Variants in HTR3A observed in about 807,000 individuals in gnomAD.
The protein encoded by HTR3A is 5-hydroxytryptamine (serotonin) receptor 3A, ionotropic.
Under a neutral mutation model 54.8 loss-of-function variants are expected in HTR3A, and 45 were observed. The ratio of observed to expected loss-of-function variants is 0.82; its 90% CI spans 0.65 to 1.05. The LOEUF is 1.05. Among genes scored for constraint, HTR3A ranks in the 50% least tolerant of loss-of-function variants. HTR3A has a pLI of 0.00. For synonymous variants in HTR3A, 297 were observed against 256.0 expected (o/e 1.16, Z -1.53); for missense variants, 657 against 614.0 (o/e 1.07, Z -0.74).
At chr11:113,988,028 G>C (rs796397498) in intron 8 of HTR3A, among the ~76,000 whole-genome samples, 1 of 152,194 alleles carries the variant, frequency 6.6e-6, no homozygotes, top group Non-Finnish European at 1.5e-5. Flanking sequence ...GAATTTGCTT[G>C]TCCTAAATCA....
chr11:113,983,297 T>C lies in HTR3A; in HGVS notation c.544+8T>C, dbSNP rs371387248. ...CCAGTTGGCTGCACACCAGTGAGTA[T>C]GTGGGCTTCGCCGGGACAGGGGTGG... On this transcript the variant is annotated splice_region_variant and intron_variant, in intron 5 of 8. Coordinates refer to ENST00000504030, the MANE Select transcript of HTR3A (RefSeq NM_000869.6). 36 of 1,613,610 alleles carry C rather than the reference T, an allele frequency of 2.2e-5. No individual in the cohort carries two copies. In the Middle Eastern group the frequency reaches 8.7e-4, roughly 39 times the overall value.
intron 8 of HTR3A, among the ~76,000 whole-genome samples, chr11:113,988,561 C>T (rs1047751268): frequency 5.3e-5 from 8 of 152,040 alleles, no homozygotes; most frequent in South Asian, 2.1e-4. Flanking sequence ...GTCAGGAGTT[C>T]GAGACCAGCC....
chr11:113,979,371 G>A, intron 3 of HTR3A, 94 bp downstream of exon 3: 1 of 968,072 alleles, frequency 1.0e-6, no homozygotes, highest in Non-Finnish European at 1.7e-6. Context: ...GAGGGAAGGT[G>A]AGCGGAGAGG....
Position 113,986,896 on chromosome 11 carries a change from G to A in HTR3A, c.988G>A (p.Val330Met), listed in dbSNP as rs1950499773. ...CGAGACCATCTTCATTGTGCGGCTG[G>A]TGCACAAGCAAGACCTGCAGCAGCC... ...LAETIFIVRL[V>M]HKQDLQQPVP... Residue 330 changes from valine to methionine, a missense_variant, in exon 8 of 9, where the codon GTG becomes ATG. Transcript: ENST00000504030. 6.2e-7 allele frequency: 1 copy of A among 1,614,026 alleles called. No homozygotes were observed. Among genetic ancestry groups the A allele is most frequent in the African/African-American group, 1.3e-5 (1 of 74,916 alleles).
At chr11:113,978,268 C>T (rs1369393444) in intron 2 of HTR3A, among the ~76,000 whole-genome samples, 3 of 152,186 alleles carry the variant, frequency 2.0e-5, no homozygotes, top group African/African-American at 7.2e-5. Flanking sequence ...TACACACATC[C>T]CTGGTACCTG....
chr11:113,986,135 G>T lies in HTR3A; in HGVS notation c.665G>T (p.Ser222Ile), dbSNP rs1362881149. 1 of 1,614,184 alleles carries T rather than the reference G, an allele frequency of 6.2e-7. No individual in the cohort carries two copies. The highest frequency in any genetic ancestry group is 8.5e-7 in the Non-Finnish European group (1 of 1,180,046). Residue 222 changes from serine to isoleucine, a missense_variant, in exon 6 of 9, where the codon AGC becomes ATC. By Grantham distance (142) the Ser-to-Ile change is moderately radical. Coordinates refer to ENST00000504030, the MANE Select transcript of HTR3A (RefSeq NM_000869.6). ...GTGCTGCCCTACTTTCGGGAGTTCA[G>T]CATGGAAAGCAGTAACTACTATGCA... Reference protein sequence around the residue: ...LGVLPYFREFSMESSNYYAEM... With the variant: ...LGVLPYFREFIMESSNYYAEM...
At position 113,989,416 on chromosome 11, in the gene HTR3A, T is replaced by A; in HGVS notation, c.1139-49T>A. On this transcript the variant is annotated intron_variant, in intron 8 of 8. Coordinates refer to ENST00000504030, the MANE Select transcript of HTR3A (RefSeq NM_000869.6). The surrounding 1 kb of genome is among the most constrained non-coding windows in gnomAD (Gnocchi z 4.4). ...AGAAGCATAAGGAACCATGTTCAGGTCACCACCCGGGGTCTCCCTCTCTTG... is the reference window on the plus strand; with the variant it reads ...AGAAGCATAAGGAACCATGTTCAGGACACCACCCGGGGTCTCCCTCTCTTG... 6.2e-7 allele frequency: 1 copy of A among 1,606,914 alleles called. No homozygotes were observed. The highest frequency in any genetic ancestry group is 8.5e-7 in the Non-Finnish European group (1 of 1,174,696).
rs1320934877 is a variant in HTR3A, at chr11:113,981,304, C to T, written c.366C>T (p.Ile122=). Reference sequence around the variant, plus strand: ...GCATCTGGGTCCCGGACATTCTCATCAATGAGTTGTGAGTACCGTTATCCA... The same window carrying T: ...GCATCTGGGTCCCGGACATTCTCATTAATGAGTTGTGAGTACCGTTATCCA... ...TDSIWVPDIL[I]NEFVDVGKSP... Residue 122 remains isoleucine (I), a synonymous_variant, in exon 4 of 9, where the codon ATC becomes ATT. Transcript: ENST00000504030. 6.2e-7 allele frequency: 1 copy of T among 1,605,198 alleles called. No individual in the cohort carries two copies. The highest frequency in any genetic ancestry group is 1.1e-5 in the South Asian group (1 of 90,910).
intron 6 of HTR3A, 124 bp downstream of exon 6, chr11:113,986,299 T>G (rs1950490790): frequency 1.6e-6 from 2 of 1,263,268 alleles, no homozygotes; most frequent in Non-Finnish European, 2.3e-6. Context: ...CATCTGGAAC[T>G]TCAGTGAAGT....
intron 8 of HTR3A, among the ~76,000 whole-genome samples, chr11:113,988,533 G>C (rs984094157): frequency 3.3e-5 from 5 of 152,038 alleles, no homozygotes; most frequent in African/African-American, 7.2e-5. Context: ...GAGGCCAAGG[G>C]GGGTGGTGGA....
In HTR3A at chr11:113,977,748, C is replaced by T. The variant is rs1565578177; in HGVS notation, c.68-23C>T. On this transcript the variant is annotated intron_variant, in intron 1 of 8. Coordinates refer to ENST00000504030, the MANE Select transcript of HTR3A (RefSeq NM_000869.6). Reference sequence around the variant, plus strand: ...GGAAGTCTTGGGGGGCTGGTGTCTACTTTGAACTGTTCTCCTTCCCAGCCA... The same window carrying T: ...GGAAGTCTTGGGGGGCTGGTGTCTATTTTGAACTGTTCTCCTTCCCAGCCA... 5 of 1,613,128 alleles carry T rather than the reference C, an allele frequency of 3.1e-6. No individual in the cohort carries two copies. In the South Asian group the frequency reaches 4.4e-5, roughly 14 times the overall value.
At chr11:113,987,431 T>G (rs963458393) in intron 8 of HTR3A, among the ~76,000 whole-genome samples, 3 of 152,100 alleles carry the variant, frequency 2.0e-5, no homozygotes, top group African/African-American at 7.2e-5. Context: ...TTTCTAAAAC[T>G]CTTATACTAA....
At chr11:113,980,078 C>T (rs1469612196) in intron 3 of HTR3A, among the ~76,000 whole-genome samples, 1 of 152,198 alleles carries the variant, frequency 6.6e-6, no homozygotes, top group Non-Finnish European at 1.5e-5. Context: ...CCCTGAGATG[C>T]TGCTCTGTCC....
intron 1 of HTR3A, among the ~76,000 whole-genome samples, chr11:113,977,065 G>A (rs144374281): frequency 4.9e-4 from 74 of 152,076 alleles, no homozygotes; most frequent in Admixed American, 1.6e-3. Context: ...TCCACACCTC[G>A]CCCCAACCAC....
In HTR3A at chr11:113,987,007, C is replaced by A. The variant is rs199630668; in HGVS notation, c.1099C>A (p.Pro367Thr). ...GGAGCAGTCAACTTCCCAGAGGCCC[C>A]CAGCCACCTCCCAAGCCACCAAGAC... Reference protein sequence around the residue: ...LREQSTSQRPPATSQATKTDD... With the variant: ...LREQSTSQRPTATSQATKTDD... The change falls in exon 8 of 9, where the codon CCA (proline) becomes ACA (threonine). Residue 367 changes from proline (P) to threonine (T), a missense_variant. Transcript: ENST00000504030. 21 of 1,613,932 alleles carry A rather than the reference C, an allele frequency of 1.3e-5. No individual in the cohort carries two copies. Among genetic ancestry groups the A allele is most frequent in the Middle Eastern group, 1.6e-4 (1 of 6,062 alleles).
At chr11:113,978,026 C>A in intron 2 of HTR3A, 104 bp downstream of exon 2, 3 of 1,342,900 alleles carry the variant, frequency 2.2e-6, no homozygotes, top group South Asian at 2.4e-5. Context: ...ATTTGAGAAC[C>A]CATAGGACCT....
chr11:113,988,758 G>T lies in HTR3A; in HGVS notation c.1139-707G>T, dbSNP rs930599758. On this transcript the variant is annotated intron_variant, in intron 8 of 8. Transcript: ENST00000504030. ...TAGCCTGGGCGAGAGAGTGAGACTT[G>T]GTCTCCAAACAAACAAACAACAAAC... Among the ~76,000 whole-genome samples, 7 of 151,626 alleles carry T rather than the reference G, an allele frequency of 4.6e-5. No homozygotes were observed. In the Admixed American group the frequency reaches 4.6e-4, roughly 10 times the overall value.
chr11:113,990,280 G>A lies in HTR3A; in HGVS notation c.*517G>A. The A allele has an allele frequency of 2.3e-6, 1 of 435,968 alleles. No individual in the cohort carries two copies. Among genetic ancestry groups the A allele is most frequent in the South Asian group, 1.6e-5 (1 of 61,694 alleles). 27.0% of individuals were successfully genotyped at this position (435,968 alleles called of 1,614,324 possible). The stretch of plus-strand genomic sequence containing the variant: ...ACACTCATCCCCCATCAGATGATGG[G>A]AGTGGGAAGAATAAAATGCAGTGAA... On this transcript the variant is annotated 3_prime_UTR_variant, in exon 9 of 9. Transcript: ENST00000504030.
chr11:113,975,538 A>G (rs1225102956), intron 1 of HTR3A, 146 bp downstream of exon 1: 3 of 703,346 alleles, frequency 4.3e-6, no homozygotes, highest in East Asian at 2.7e-5. Context: ...ACCTATGAGC[A>G]TGACAGCATT....
Sources: gnomAD v4.1 joint callset for allele counts (sites outside exome capture counted in the v4.1 genomes callset) on GRCh38, gnomAD v4.1.1 for gene constraint, Gnocchi (gnomAD v3.1) non-coding constraint, MANE v1.5 for transcripts, NCBI Gene and HGNC (gene_info 2026-07-23, HGNC 2026-07-21) for gene names.